LYRM4: variants seen among roughly 807,000 people sequenced by gnomAD.
The protein encoded by LYRM4 is LYR motif-containing protein 4.
Under a neutral mutation model 11.7 loss-of-function variants are expected in LYRM4, and 9 were observed. That is an observed-to-expected ratio of 0.77 (90% confidence interval 0.46 to 1.34). LYRM4 has a LOEUF of 1.34. Ranked by LOEUF, LYRM4 falls within the 40% of genes most tolerant of loss-of-function variation. LYRM4 has a pLI of 0.00. For synonymous variants in LYRM4, 42 were observed against 40.4 expected (o/e 1.04, Z -0.15); for missense variants, 133 against 112.5 (o/e 1.18, Z -0.82).
the LYRM4 span, among the ~76,000 whole-genome samples, chr6:5,097,425 C>CCACCAGTCTAATATACCTATATGT: frequency 2.6e-5 from 4 of 151,706 alleles, no homozygotes; most frequent in East Asian, 1.9e-4. Context: ...CTCATGGCAG[C>CCACCAGTCTAATATACCTATATGT]TAAAGTGATG....
chr6:5,242,756 G>A (rs895501318), intron 1 of LYRM4, among the ~76,000 whole-genome samples: 4 of 148,568 alleles, frequency 2.7e-5, no homozygotes, highest in Admixed American at 6.7e-5. Flanking sequence ...AATATGACAG[G>A]ATTTCTGCTC....
At position 5,167,688 on chromosome 6, in the gene LYRM4, G is replaced by A. The variant is rs138229257; in HGVS notation, c.207+48930C>T. Among the ~76,000 whole-genome samples, 7 of 152,240 alleles carry A rather than the reference G, an allele frequency of 4.6e-5. No homozygotes were observed. The East Asian group carries it at 1.3e-3, about 29-fold the overall frequency. On this transcript the variant is annotated intron_variant, in intron 2 of 2. Transcript: ENST00000330636. The stretch of plus-strand genomic sequence containing the variant: ...TTCACACACAAACAATGCTGAGCTC[G>A]ATGTTTCTTAATGGTGTACTCTTCA...
the LYRM4 span, chr6:5,086,963 T>G: frequency 5.4e-6 from 1 of 185,492 alleles, no homozygotes; most frequent in East Asian, 1.5e-4. Flanking sequence ...TTGTAGCCCT[T>G]GCAGTTTGCT....
At chr6:5,092,889 G>T in the LYRM4 span, among the ~76,000 whole-genome samples, 1 of 152,162 alleles carries the variant, frequency 6.6e-6, no homozygotes, top group Admixed American at 6.5e-5. Context: ...GTGACGCTCG[G>T]ATCACCATTA....
chr6:5,085,830 G>A, the LYRM4 span: 19 of 1,528,926 alleles, frequency 1.2e-5, no homozygotes, highest in East Asian at 2.5e-4. Context: ...AGGGGGCGGA[G>A]GACGCACAGC....
intron 2 of LYRM4, among the ~76,000 whole-genome samples, chr6:5,159,574 C>T (rs1420198777): frequency 1.3e-5 from 2 of 152,212 alleles, no homozygotes; most frequent in Admixed American, 6.5e-5. Flanking sequence ...GCCTACATGG[C>T]TACTATCCAA....
intron 1 of LYRM4, among the ~76,000 whole-genome samples, chr6:5,246,798 A>G (rs1263035781): frequency 6.6e-6 from 1 of 152,088 alleles, no homozygotes; most frequent in Non-Finnish European, 1.5e-5. Context: ...GGGCCCTCAC[A>G]GGAGGCAGGT....
intron 1 of LYRM4, among the ~76,000 whole-genome samples, chr6:5,217,051 C>T (rs370556046): frequency 4.6e-5 from 7 of 152,138 alleles, no homozygotes; most frequent in South Asian, 2.1e-4. Flanking sequence ...ATAATTGAAC[C>T]TTTAGTGTAC....
intron 2 of LYRM4, among the ~76,000 whole-genome samples, chr6:5,137,525 G>A (rs1757165520): frequency 6.6e-6 from 1 of 152,160 alleles, no homozygotes; most frequent in Non-Finnish European, 1.5e-5. Context: ...TTTGTACTCT[G>A]TAATCTCACT....
chr6:5,137,682 A>G (rs1757173207), intron 2 of LYRM4, among the ~76,000 whole-genome samples: 1 of 152,154 alleles, frequency 6.6e-6, no homozygotes, highest in South Asian at 2.1e-4. Context: ...AGATTTTAAT[A>G]TTCTGCATCT....
At chr6:5,126,533 T>G (rs1056705791) in intron 2 of LYRM4, among the ~76,000 whole-genome samples, 4 of 152,116 alleles carry the variant, frequency 2.6e-5, no homozygotes, top group Non-Finnish European at 2.9e-5. Context: ...TGCACAAAGA[T>G]GGTCACAGCA....
chr6:5,094,716 T>A, the LYRM4 span, among the ~76,000 whole-genome samples: 1 of 152,206 alleles, frequency 6.6e-6, no homozygotes, highest in Non-Finnish European at 1.5e-5. Flanking sequence ...TTTCTTGTAC[T>A]TTTTGTTGCT....
intron 2 of LYRM4, among the ~76,000 whole-genome samples, chr6:5,213,798 C>A (rs1762108353): frequency 6.6e-6 from 1 of 152,160 alleles, no homozygotes; most frequent in Non-Finnish European, 1.5e-5. Flanking sequence ...TTACTAAGAG[C>A]CAGCTCTATG....
At chr6:5,144,917 G>A (rs1427278947) in intron 2 of LYRM4, among the ~76,000 whole-genome samples, 4 of 152,210 alleles carry the variant, frequency 2.6e-5, no homozygotes, top group Non-Finnish European at 5.9e-5. Flanking sequence ...GACGCGACAT[G>A]GGAAGCAGGC....
intron 2 of LYRM4, among the ~76,000 whole-genome samples, chr6:5,158,920 AG>A (rs1758579479): frequency 6.6e-6 from 1 of 152,020 alleles, no homozygotes; most frequent in Non-Finnish European, 1.5e-5. Context: ...AGTATTTTAA[AG>A]GTTCATAATT....
At chr6:5,133,425 C>T (rs1192881963) in intron 2 of LYRM4, among the ~76,000 whole-genome samples, 1 of 152,190 alleles carries the variant, frequency 6.6e-6, no homozygotes, top group African/African-American at 2.4e-5. Context: ...CCACCACCAC[C>T]TGTGAGGAAG....
intron 2 of LYRM4, among the ~76,000 whole-genome samples, chr6:5,130,338 T>C (rs977609798): frequency 6.6e-6 from 1 of 152,208 alleles, no homozygotes; most frequent in Non-Finnish European, 1.5e-5. Context: ...AAGTGAGCTT[T>C]ATCTGCCAAG....
At chr6:5,247,740 A>C (rs996907617) in intron 1 of LYRM4, among the ~76,000 whole-genome samples, 3 of 152,188 alleles carry the variant, frequency 2.0e-5, no homozygotes, top group African/African-American at 7.2e-5. Flanking sequence ...AAGAATAAAT[A>C]CATACAGCTT....
chr6:5,069,470 TTA>T, the LYRM4 span, among the ~76,000 whole-genome samples: 4 of 149,376 alleles, frequency 2.7e-5, no homozygotes, highest in Non-Finnish European at 4.4e-5. Flanking sequence ...TATATTATAT[TTA>T]TATATATATA....
Sources: gnomAD v4.1 joint callset for allele counts (sites outside exome capture counted in the v4.1 genomes callset) on GRCh38, gnomAD v4.1.1 for gene constraint, MANE v1.5 for transcripts, NCBI Gene and HGNC (gene_info 2026-07-23, HGNC 2026-07-21) for gene names.